SYN3: variants seen among roughly 807,000 people sequenced by gnomAD.
SYN3 encodes the protein synapsin III, also known as synapsin-3.
SYN3 carries 35 observed loss-of-function variants against 65.8 expected under a neutral mutation model. The observed-to-expected ratio is 0.53, with a 90% confidence interval of 0.41 to 0.70. The LOEUF is 0.70. Ranked by LOEUF, SYN3 falls within the 30% of genes least tolerant of loss-of-function variation. The pLI is 0.00. For synonymous variants in SYN3, 270 were observed against 292.9 expected, an observed-to-expected ratio of 0.92 and a Z score of 0.80; for missense variants, 680 against 749.0, an observed-to-expected ratio of 0.91 and a Z score of 1.08.
chr22:32,968,331 T>C (rs529044802), intron 3 of SYN3, among the ~76,000 whole-genome samples: 5 of 152,316 alleles, frequency 3.3e-5, no homozygotes, highest in African/African-American at 9.6e-5. Context: ...GAGATGACTT[T>C]TGCACCAAAT....
chr22:33,019,443 A>G (rs1201163961), intron 1 of SYN3, among the ~76,000 whole-genome samples: 1 of 152,118 alleles, frequency 6.6e-6, no homozygotes, highest in African/African-American at 2.4e-5. Flanking sequence ...TGTAATATCT[A>G]TGAGAGTTGG....
intron 6 of SYN3, among the ~76,000 whole-genome samples, chr22:32,657,673 A>G (rs1189909025): frequency 6.6e-6 from 1 of 152,144 alleles, no homozygotes; most frequent in African/African-American, 2.4e-5. Context: ...TGCTCTCCGG[A>G]GCCTTCCCTA....
At position 32,949,378 on chromosome 22, in the gene SYN3, T is replaced by G. The variant is rs563788575; in HGVS notation, c.370-17897A>C. ...CTGCAGTGAGCTATAACTGCACCACTGCACTCCGGCCTGGGAGACAGAGCG... is the reference window on the plus strand; with the variant it reads ...CTGCAGTGAGCTATAACTGCACCACGGCACTCCGGCCTGGGAGACAGAGCG... On this transcript the variant is annotated intron_variant, in intron 3 of 13. Coordinates refer to ENST00000358763, the MANE Select transcript of SYN3 (RefSeq NM_003490.4). Among the ~76,000 whole-genome samples the G allele has an allele frequency of 5.3e-5, 8 of 151,870 alleles. No homozygotes were observed. In the East Asian group the frequency reaches 1.4e-3, roughly 26 times the overall value.
At chr22:32,699,237 C>T (rs182130992) in intron 6 of SYN3, among the ~76,000 whole-genome samples, 39 of 152,244 alleles carry the variant, frequency 2.6e-4, no homozygotes, top group African/African-American at 8.7e-4. Flanking sequence ...GGGGGCTTTA[C>T]GTGATGGAGG....
At chr22:32,839,116 T>C (rs1178682754) in intron 6 of SYN3, among the ~76,000 whole-genome samples, 2 of 151,826 alleles carry the variant, frequency 1.3e-5, no homozygotes, top group African/African-American at 4.8e-5. Context: ...GCAAGGGGCA[T>C]CATAGGACAG....
chr22:32,517,219 G>A (rs552664430), intron 13 of SYN3, among the ~76,000 whole-genome samples: 10 of 152,202 alleles, frequency 6.6e-5, no homozygotes, highest in Non-Finnish European at 1.5e-4. Flanking sequence ...GACTAAAAGC[G>A]TGTGATAAAA....
intron 4 of SYN3, among the ~76,000 whole-genome samples, chr22:32,894,746 A>C (rs1468376593): frequency 6.6e-6 from 1 of 152,184 alleles, no homozygotes; most frequent in Non-Finnish European, 1.5e-5. Context: ...TGAGATTTGC[A>C]TTTGGATCTA....
intron 1 of SYN3, among the ~76,000 whole-genome samples, chr22:33,046,838 G>GT (rs2054073207): frequency 1.7e-5 from 1 of 57,460 alleles, no homozygotes; most frequent in Non-Finnish European, 3.4e-5. Flanking sequence ...GCAAGTCTCT[G>GT]TTTAAAAAAA....
intron 6 of SYN3, among the ~76,000 whole-genome samples, chr22:32,780,680 C>G (rs962441815): frequency 6.6e-6 from 1 of 152,166 alleles, no homozygotes; most frequent in Non-Finnish European, 1.5e-5. Flanking sequence ...TGGTTGGAAT[C>G]CTGGCTCCCT....
intron 4 of SYN3, among the ~76,000 whole-genome samples, chr22:32,874,745 G>C (rs1342971267): frequency 1.3e-5 from 2 of 152,232 alleles, no homozygotes; most frequent in Admixed American, 1.3e-4. Context: ...CACACCCAGA[G>C]CTGATTCCAG....
At chr22:32,578,469 T>G (rs1426798177) in intron 7 of SYN3, among the ~76,000 whole-genome samples, 1 of 152,154 alleles carries the variant, frequency 6.6e-6, no homozygotes. Flanking sequence ...AGGTTGGTCT[T>G]GAACTCCTGG....
intron 7 of SYN3, among the ~76,000 whole-genome samples, chr22:32,551,046 A>C (rs557845689): frequency 6.6e-6 from 1 of 152,368 alleles, no homozygotes; most frequent in South Asian, 2.1e-4. Context: ...ACACTATCTC[A>C]CTATTCCAAA....
At chr22:32,662,648 T>C (rs1192504100) in intron 6 of SYN3, among the ~76,000 whole-genome samples, 2 of 152,212 alleles carry the variant, frequency 1.3e-5, no homozygotes, top group Non-Finnish European at 2.9e-5. Context: ...AAGGCTGTCA[T>C]TAAGAGGAAA....
chr22:32,643,972 G>A (rs1427224840), intron 6 of SYN3, among the ~76,000 whole-genome samples: 1 of 147,964 alleles, frequency 6.8e-6, no homozygotes, highest in Non-Finnish European at 1.5e-5. Context: ...CCAGCTACTT[G>A]GAGGCTGAGG....
intron 3 of SYN3, among the ~76,000 whole-genome samples, chr22:32,937,404 T>C (rs1470545054): frequency 1.3e-5 from 2 of 152,168 alleles, no homozygotes; most frequent in South Asian, 2.1e-4. Flanking sequence ...TGAGCCTAGG[T>C]AGTCTATAAA....
intron 6 of SYN3, among the ~76,000 whole-genome samples, chr22:32,739,724 G>C (rs762883): frequency 0.51 from 77,145 of 152,038 alleles, 20,119 homozygotes; most frequent in East Asian, 0.88. Flanking sequence ...CTTTTTTACT[G>C]TGCTCCAAAG....
Position 32,928,364 on chromosome 22 carries a change from C to A in SYN3, c.461+3026G>T, listed in dbSNP as rs528430785. ...AGAAAAAAAGAAAATGCATTTATTA[C>A]CCCTAACCTACCAAACATCATCGCT... On this transcript the variant is annotated intron_variant, in intron 4 of 13. Coordinates refer to ENST00000358763, the MANE Select transcript of SYN3 (RefSeq NM_003490.4). Among the ~76,000 whole-genome samples, 103 of 152,228 alleles carry A rather than the reference C, an allele frequency of 6.8e-4. 1 individual carries two copies. Among genetic ancestry groups the A allele is most frequent in the Non-Finnish European group, 1.2e-3 (83 of 68,000 alleles).
intron 10 of SYN3, among the ~76,000 whole-genome samples, chr22:32,531,810 A>C (rs2058075553): frequency 6.6e-6 from 1 of 151,070 alleles, no homozygotes; most frequent in Non-Finnish European, 1.5e-5. Flanking sequence ...TGCGAGGAAA[A>C]AAAAAATCTG....
At chr22:32,702,956 G>A (rs532112936) in intron 6 of SYN3, among the ~76,000 whole-genome samples, 92 of 152,286 alleles carry the variant, frequency 6.0e-4, no homozygotes, top group African/African-American at 2.0e-3. Context: ...ATTGGATTTC[G>A]TTGTGCTAAA....
Sources: gnomAD v4.1 joint callset for allele counts (sites outside exome capture counted in the v4.1 genomes callset) on GRCh38, gnomAD v4.1.1 for gene constraint, MANE v1.5 for transcripts, NCBI Gene and HGNC (gene_info 2026-07-23, HGNC 2026-07-21) for gene names.